Variants in ADAD1 observed in about 807,000 individuals in gnomAD.
The protein encoded by ADAD1 is adenosine deaminase domain containing 1.
In ADAD1, 46 loss-of-function variants were observed where a neutral mutation model predicts 66.8. That is an observed-to-expected ratio of 0.69 (90% confidence interval 0.54 to 0.88). The LOEUF (loss-of-function observed/expected upper bound fraction) is 0.88, where lower values mean the gene tolerates loss of function less well. Among genes scored for constraint, ADAD1 ranks in the 40% least tolerant of loss-of-function variants. The probability of loss-of-function intolerance (pLI) is 0.00; values close to 1 mark genes in which losing one functional copy is unlikely to be tolerated. For missense variants in ADAD1, 617 were observed against 681.8 expected (o/e 0.91, Z 1.06); for synonymous variants, 248 against 229.4 (o/e 1.08, Z -0.73).
At chr4:122,407,079 CAA>C (rs374579207) in intron 7 of ADAD1, among the ~76,000 whole-genome samples, 2 of 141,014 alleles carry the variant, frequency 1.4e-5, no homozygotes. Flanking sequence ...AGGTTGGTGC[CAA>C]AAAAAAAAAT....
chr4:122,417,517 C>T (rs1039798528), intron 11 of ADAD1, among the ~76,000 whole-genome samples: 9 of 151,844 alleles, frequency 5.9e-5, no homozygotes, highest in Admixed American at 2.6e-4. Context: ...ATTCACAAAG[C>T]GGAAATTATA....
chr4:122,403,250 T>C (rs1796057478), intron 7 of ADAD1, among the ~76,000 whole-genome samples: 1 of 152,108 alleles, frequency 6.6e-6, no homozygotes, highest in African/African-American at 2.4e-5. Flanking sequence ...CTGCAGTGAT[T>C]ATTATTGCCC....
chr4:122,404,936 T>TC (rs1028425693), intron 7 of ADAD1, among the ~76,000 whole-genome samples: 1 of 151,894 alleles, frequency 6.6e-6, no homozygotes, highest in Non-Finnish European at 1.5e-5. Context: ...TTCCTTCTTT[T>TC]GGTTAACTCT....
At chr4:122,397,742 C>T (rs763794130) in intron 7 of ADAD1, among the ~76,000 whole-genome samples, 4 of 151,934 alleles carry the variant, frequency 2.6e-5, no homozygotes, top group Non-Finnish European at 4.4e-5. Context: ...GATGAAGTGA[C>T]ATGAATAAAA....
At chr4:122,393,495 T>A in intron 5 of ADAD1, 94 bp from the exon 6 acceptor site, 4 of 1,194,616 alleles carry the variant, frequency 3.3e-6, no homozygotes, top group Non-Finnish European at 4.6e-6. Context: ...AAAAAAAAAT[T>A]TTTGGATTGC....
At chr4:122,388,050 C>T (rs541060638) in intron 5 of ADAD1, among the ~76,000 whole-genome samples, 12 of 152,160 alleles carry the variant, frequency 7.9e-5, no homozygotes, top group South Asian at 2.1e-4. Context: ...TGAGCCACTG[C>T]GCCCGGCTGA....
At chr4:122,393,716 C>A in intron 6 of ADAD1, 59 bp downstream of exon 6, 1 of 1,308,608 alleles carries the variant, frequency 7.6e-7, no homozygotes, top group Non-Finnish European at 1.1e-6. Flanking sequence ...AAAATAGTAA[C>A]AACATAATTA....
At chr4:122,425,695 AAAT>A (rs1275603551) in intron 12 of ADAD1, among the ~76,000 whole-genome samples, 1 of 151,948 alleles carries the variant, frequency 6.6e-6, no homozygotes, top group African/African-American at 2.4e-5. Flanking sequence ...TAGGTATTAT[AAAT>A]AATCTAGGGA....
intron 12 of ADAD1, among the ~76,000 whole-genome samples, chr4:122,425,045 G>C (rs995994451): frequency 9.2e-5 from 14 of 152,002 alleles, no homozygotes; most frequent in Non-Finnish European, 1.2e-4. Context: ...CAACAAAGCC[G>C]TAAAATACAC....
intron 12 of ADAD1, among the ~76,000 whole-genome samples, chr4:122,425,704 A>G (rs1351032820): frequency 1.3e-5 from 2 of 151,974 alleles, no homozygotes; most frequent in African/African-American, 4.8e-5. Context: ...TAAATAATCT[A>G]GGGATGATTT....
intron 11 of ADAD1, among the ~76,000 whole-genome samples, chr4:122,419,878 T>C (rs535693926): frequency 3.3e-5 from 5 of 152,332 alleles, no homozygotes; most frequent in South Asian, 4.1e-4. Flanking sequence ...AATAGCTAGG[T>C]AGTTTTTTTA....
chr4:122,413,421 A>C (rs1796561119), intron 10 of ADAD1, among the ~76,000 whole-genome samples: 1 of 152,154 alleles, frequency 6.6e-6, no homozygotes, highest in Admixed American at 6.5e-5. Flanking sequence ...ATTTAGATAG[A>C]GTAATCTGGA....
intron 7 of ADAD1, among the ~76,000 whole-genome samples, chr4:122,403,203 C>A (rs1395535473): frequency 6.6e-6 from 1 of 152,036 alleles, no homozygotes; most frequent in South Asian, 2.1e-4. Context: ...TGGTGCTCTC[C>A]CCCTTCCCCT....
At chr4:122,382,546 C>T (rs1374705515) in intron 4 of ADAD1, among the ~76,000 whole-genome samples, 5 of 152,038 alleles carry the variant, frequency 3.3e-5, no homozygotes, top group Admixed American at 3.3e-4. Context: ...TCCCAAATAG[C>T]TAAGACTGCT....
intron 5 of ADAD1, among the ~76,000 whole-genome samples, chr4:122,387,262 T>C (rs1411971208): frequency 6.6e-6 from 1 of 152,164 alleles, no homozygotes; most frequent in African/African-American, 2.4e-5. Flanking sequence ...ACATTCCTTG[T>C]TAGTTGTATT....
At chr4:122,412,201 AC>A (rs1796495707) in intron 9 of ADAD1, among the ~76,000 whole-genome samples, 1 of 152,184 alleles carries the variant, frequency 6.6e-6, no homozygotes, top group African/African-American at 2.4e-5. Flanking sequence ...ATTGAAGATG[AC>A]AAAGAAAAAT....
intron 5 of ADAD1, among the ~76,000 whole-genome samples, chr4:122,393,336 A>G (rs1028025723): frequency 6.6e-6 from 1 of 152,148 alleles, no homozygotes; most frequent in Non-Finnish European, 1.5e-5. Flanking sequence ...GCTTTTCAGG[A>G]TGTTGCATCT....
intron 12 of ADAD1, among the ~76,000 whole-genome samples, chr4:122,424,203 T>C (rs1797132697): frequency 6.6e-6 from 1 of 152,196 alleles, no homozygotes; most frequent in Non-Finnish European, 1.5e-5. Flanking sequence ...AGTACTTCCC[T>C]AAATGGAATT....
chr4:122,383,260 G>A (rs767916136), intron 4 of ADAD1, among the ~76,000 whole-genome samples: 2 of 152,096 alleles, frequency 1.3e-5, no homozygotes, highest in Non-Finnish European at 2.9e-5. Flanking sequence ...CTTCACAGCT[G>A]TAATGGGTTG....
Sources: gnomAD v4.1 joint callset for allele counts (sites outside exome capture counted in the v4.1 genomes callset) on GRCh38, gnomAD v4.1.1 for gene constraint, MANE v1.5 for transcripts, NCBI Gene and HGNC (gene_info 2026-07-23, HGNC 2026-07-21) for gene names.